EIF4G3: variants seen among roughly 807,000 people sequenced by gnomAD.
EIF4G3 encodes the protein eukaryotic translation initiation factor 4 gamma 3.
EIF4G3 carries 34 observed loss-of-function variants against 186.4 expected under a neutral mutation model. The observed-to-expected ratio is 0.18, with a 90% CI of 0.14 to 0.24. The LOEUF is 0.24. Ranked by LOEUF, EIF4G3 falls within the 10% of genes least tolerant of loss-of-function variation. The pLI is 1.00. For synonymous variants in EIF4G3, 673 were observed against 679.5 expected (o/e 0.99, Z 0.15); for missense variants, 1,536 against 1,948.5 (o/e 0.79, Z 3.99).
At chr1:20,893,042 G>C (rs1038690172) in intron 18 of EIF4G3, 3 of 278,536 alleles carry the variant, frequency 1.1e-5, no homozygotes, top group African/African-American at 2.2e-5. Context: ...CGAGTAGCTG[G>C]GACTAGGACT....
chr1:20,853,752 T>A, intron 26 of EIF4G3, 75 bp from the exon 27 acceptor site: 1 of 1,128,148 alleles, frequency 8.9e-7, no homozygotes. Context: ...TCTGCATCCC[T>A]AGGTGAGGCC....
chr1:20,960,809 G>A (rs910070830), intron 12 of EIF4G3, among the ~76,000 whole-genome samples: 1 of 152,162 alleles, frequency 6.6e-6, no homozygotes, highest in Non-Finnish European at 1.5e-5. Context: ...CAGAAGGCAC[G>A]ATTAACAAAG....
At chr1:20,854,714 T>TAAAA (rs1335813684) in intron 26 of EIF4G3, among the ~76,000 whole-genome samples, 1 of 138,506 alleles carries the variant, frequency 7.2e-6, no homozygotes, top group African/African-American at 2.6e-5. Flanking sequence ...CAAAAATATA[T>TAAAA]AAATAAATAA....
In EIF4G3 at chr1:20,840,984, T is replaced by A; in HGVS notation, c.3933A>T (p.Leu1311=). The change falls in exon 30 of 37, where the codon CTA becomes CTT. Residue 1311 remains leucine (L), a synonymous_variant. Transcript: ENST00000602326. ...CVEELNAQGL[L]HVFVRVGVES... is the part of the protein sequence containing the mutation. ...CCACTCCCACTCTCACAAAAACATG[T>A]AGTAGGCCCTGGGCATTCAGCTCTT... The A allele has an allele frequency of 1.2e-6, 2 of 1,614,114 alleles. No individual in the cohort carries two copies. The highest frequency in any genetic ancestry group is 1.7e-6 in the Non-Finnish European group (2 of 1,180,006).
intron 20 of EIF4G3, among the ~76,000 whole-genome samples, chr1:20,867,275 G>T (rs2077770121): frequency 1.3e-5 from 2 of 152,292 alleles, no homozygotes; most frequent in South Asian, 2.1e-4. Context: ...AAGAGTGCTG[G>T]AATATGAGTC....
intron 20 of EIF4G3, among the ~76,000 whole-genome samples, chr1:20,877,461 A>G (rs1472829188): frequency 6.6e-6 from 1 of 152,242 alleles, no homozygotes; most frequent in Non-Finnish European, 1.5e-5. Flanking sequence ...GGCTAGTAAC[A>G]CTGACCATTC....
intron 2 of EIF4G3, among the ~76,000 whole-genome samples, chr1:21,133,803 G>A (rs150038658): frequency 6.6e-4 from 101 of 152,202 alleles, no homozygotes; most frequent in African/African-American, 2.4e-3. Flanking sequence ...GGATGATTCC[G>A]GGCACTTTAT....
intron 4 of EIF4G3, among the ~76,000 whole-genome samples, chr1:21,035,611 A>G (rs2093129007): frequency 6.6e-6 from 1 of 152,240 alleles, no homozygotes; most frequent in East Asian, 1.9e-4. Context: ...GGTCCCTTCC[A>G]GCTTGGCCCC....
intron 35 of EIF4G3, 146 bp downstream of exon 35, chr1:20,813,012 G>T: frequency 1.7e-6 from 1 of 581,450 alleles, no homozygotes. Context: ...GAGACAACCA[G>T]GCATCACAGA....
At chr1:21,053,370 G>A (rs1196315041) in intron 3 of EIF4G3, among the ~76,000 whole-genome samples, 1 of 148,616 alleles carries the variant, frequency 6.7e-6, no homozygotes, top group Non-Finnish European at 1.5e-5. Context: ...GGAGGGAGGT[G>A]GGGGTCAGCC....
chr1:21,011,031 A>G (rs897215369), intron 4 of EIF4G3, among the ~76,000 whole-genome samples: 1 of 152,160 alleles, frequency 6.6e-6, no homozygotes, highest in African/African-American at 2.4e-5. Flanking sequence ...GCCTGTGCTG[A>G]TATTTTCAAC....
intron 2 of EIF4G3, among the ~76,000 whole-genome samples, chr1:21,163,668 G>A (rs190688053): frequency 5.3e-5 from 8 of 152,258 alleles, no homozygotes; most frequent in African/African-American, 1.4e-4. Context: ...TACACCTAAG[G>A]GTAACAAAAT....
chr1:20,881,406 G>A (rs988267229), intron 19 of EIF4G3, among the ~76,000 whole-genome samples: 4 of 152,136 alleles, frequency 2.6e-5, no homozygotes, highest in Non-Finnish European at 4.4e-5. Flanking sequence ...GAAAAGTGTT[G>A]TTTTCTTGGG....
chr1:20,912,238 C>T (rs2093333936), intron 14 of EIF4G3, among the ~76,000 whole-genome samples: 1 of 152,236 alleles, frequency 6.6e-6, no homozygotes, highest in African/African-American at 2.4e-5. Flanking sequence ...GATCACACCA[C>T]TGCACTTTAG....
Position 20,865,270 on chromosome 1 carries a change from C to A in EIF4G3, c.2623-8G>T, listed in dbSNP as rs751350637. 6.2e-7 allele frequency: 1 copy of A among 1,607,220 alleles called. No individual in the cohort carries two copies. Among genetic ancestry groups the A allele is most frequent in the Non-Finnish European group, 8.5e-7 (1 of 1,178,126 alleles). On this transcript the variant is annotated splice_region_variant and splice_polypyrimidine_tract_variant and intron_variant, in intron 20 of 36. Transcript: ENST00000602326. ...TGCCATGGGTACTTTCAGCTACATC[C>A]AGACAGGAAAATAAAAAAAATCAAC...
chr1:20,893,562 G>A lies in EIF4G3; in HGVS notation c.2208C>T (p.Ala736=). 1.2e-6 allele frequency: 2 copies of A among 1,602,306 alleles called. No individual in the cohort carries two copies. Among genetic ancestry groups the A allele is most frequent in the Non-Finnish European group, 1.7e-6 (2 of 1,171,308 alleles). ...ILPRGPDFTP[A]FADFGRQTPG... ...GTGTCTGCCTTCCAAAATCAGCAAAGGCTGGTGTAAAGTCTGGTCCTCGAG... is the reference window on the plus strand; with the variant it reads ...GTGTCTGCCTTCCAAAATCAGCAAAAGCTGGTGTAAAGTCTGGTCCTCGAG... The change falls in exon 18 of 37, where the codon GCC becomes GCT. Residue 736 remains alanine (A), a synonymous_variant. Transcript: ENST00000602326.
chr1:20,879,286 T>C, intron 20 of EIF4G3, 37 bp downstream of exon 20: 1 of 1,521,010 alleles, frequency 6.6e-7, no homozygotes, highest in Non-Finnish European at 8.9e-7. Context: ...ATATACCTCT[T>C]GAAGATTTCT....
At chr1:20,924,707 G>A (rs370542672) in intron 14 of EIF4G3, among the ~76,000 whole-genome samples, 4 of 152,100 alleles carry the variant, frequency 2.6e-5, no homozygotes, top group East Asian at 1.9e-4. Flanking sequence ...CTGGAACTAC[G>A]TGCACTACCA....
Position 20,978,707 on chromosome 1 carries a change from G to T in EIF4G3, c.493+1627C>A, listed in dbSNP as rs553214281. On this transcript the variant is annotated intron_variant, in intron 10 of 36. Coordinates refer to ENST00000602326, the MANE Select transcript of EIF4G3 (RefSeq NM_001391906.1). ...AAAAAAAAAAAAAAACCCATGGTATGTATAGGGTACTATGTGAGGTTTCAG... is the reference window on the plus strand; with the variant it reads ...AAAAAAAAAAAAAAACCCATGGTATTTATAGGGTACTATGTGAGGTTTCAG... Among the ~76,000 whole-genome samples the T allele has an allele frequency of 5.4e-5, 8 of 148,828 alleles. No individual in the cohort carries two copies. In the East Asian group the frequency reaches 1.4e-3, roughly 26 times the overall value.
Sources: gnomAD v4.1 joint callset for allele counts (sites outside exome capture counted in the v4.1 genomes callset) on GRCh38, gnomAD v4.1.1 for gene constraint, MANE v1.5 for transcripts, NCBI Gene and HGNC (gene_info 2026-07-23, HGNC 2026-07-21) for gene names.